LINGO2: variants seen among roughly 807,000 people sequenced by gnomAD.
LINGO2 encodes the protein leucine-rich repeat and immunoglobulin-like domain-containing nogo receptor-interacting protein 2.
Under a neutral mutation model 30.6 loss-of-function variants are expected in LINGO2, and 14 were observed. That is an observed-to-expected ratio of 0.46 (90% CI 0.30 to 0.72). The LOEUF (loss-of-function observed/expected upper bound fraction) is 0.72. Among genes scored for constraint, LINGO2 ranks in the 30% least tolerant of loss-of-function variants. The pLI is 0.07. For synonymous variants in LINGO2, 317 were observed against 288.5 expected (o/e 1.10, Z -1.00); for missense variants, 729 against 751.7 (o/e 0.97, Z 0.35).
At chr9:29,112,025 A>G in the LINGO2 span, among the ~76,000 whole-genome samples, 1 of 138,324 alleles carries the variant, frequency 7.2e-6, no homozygotes, top group Non-Finnish European at 1.6e-5. Context: ...TACATTGCAT[A>G]TGCATGTGTG....
the LINGO2 span, among the ~76,000 whole-genome samples, chr9:28,977,292 C>T: frequency 1.3e-5 from 2 of 152,092 alleles, no homozygotes; most frequent in Admixed American, 6.6e-5. Flanking sequence ...TTCTGTCCTG[C>T]ATAAGTTCCT....
chr9:28,763,670 A>G, the LINGO2 span, among the ~76,000 whole-genome samples: 26 of 151,798 alleles, frequency 1.7e-4, no homozygotes, highest in African/African-American at 6.0e-4. Flanking sequence ...CAAAAGAAAG[A>G]CAATGAAGAG....
At chr9:29,034,435 C>G in the LINGO2 span, among the ~76,000 whole-genome samples, 179 of 152,184 alleles carry the variant, frequency 1.2e-3, 1 homozygote, top group Non-Finnish European at 2.2e-3. Context: ...TGACCTTGGA[C>G]AAGTGGCCCA....
intron 4 of LINGO2, among the ~76,000 whole-genome samples, chr9:28,184,974 C>A (rs1341396581): frequency 2.0e-5 from 3 of 152,012 alleles, no homozygotes; most frequent in African/African-American, 7.2e-5. Context: ...AAAAAAAAAT[C>A]TTCTTCCAAA....
chr9:28,287,089 C>A (rs1162413217), intron 4 of LINGO2, among the ~76,000 whole-genome samples: 2 of 152,178 alleles, frequency 1.3e-5, no homozygotes, highest in Non-Finnish European at 2.9e-5. Context: ...AAGGCCCTGA[C>A]CTCAAGCACA....
the LINGO2 span, among the ~76,000 whole-genome samples, chr9:28,921,281 G>A: frequency 6.6e-6 from 1 of 152,104 alleles, no homozygotes; most frequent in Non-Finnish European, 1.5e-5. Context: ...ACCTGTAAAT[G>A]TAGGCTCTTC....
intron 1 of LINGO2, among the ~76,000 whole-genome samples, chr9:28,587,467 C>T (rs1391704209): frequency 6.6e-6 from 1 of 151,992 alleles, no homozygotes; most frequent in Non-Finnish European, 1.5e-5. Context: ...TTCCCTCTGT[C>T]TCTCAGCTCC....
chr9:28,508,242 G>A (rs759511032), intron 1 of LINGO2, among the ~76,000 whole-genome samples: 2 of 151,932 alleles, frequency 1.3e-5, no homozygotes, highest in Non-Finnish European at 2.9e-5. Context: ...ACATCTATTT[G>A]TATGCCAGAA....
At chr9:29,053,918 A>C in the LINGO2 span, among the ~76,000 whole-genome samples, 1 of 152,106 alleles carries the variant, frequency 6.6e-6, no homozygotes, top group South Asian at 2.1e-4. Context: ...TGTAAGTTAA[A>C]AGAGAAGAAA....
intron 1 of LINGO2, among the ~76,000 whole-genome samples, chr9:28,635,344 C>G (rs62548200): frequency 6.6e-6 from 1 of 152,034 alleles, no homozygotes; most frequent in East Asian, 1.9e-4. Context: ...TAAGAAGTTG[C>G]CCTGAAACAA....
chr9:28,215,505 T>C (rs1214398772), intron 4 of LINGO2, among the ~76,000 whole-genome samples: 2 of 151,882 alleles, frequency 1.3e-5, no homozygotes, highest in African/African-American at 2.4e-5. Context: ...AAAGCATTCA[T>C]TGTGGTGCTT....
the LINGO2 span, among the ~76,000 whole-genome samples, chr9:28,842,018 G>T: frequency 6.6e-6 from 1 of 151,778 alleles, no homozygotes; most frequent in Non-Finnish European, 1.5e-5. Context: ...TACTTCTCAT[G>T]ATATTCTAGG....
At chr9:28,315,523 C>G (rs889577810) in intron 3 of LINGO2, among the ~76,000 whole-genome samples, 1 of 152,070 alleles carries the variant, frequency 6.6e-6, no homozygotes, top group Non-Finnish European at 1.5e-5. Flanking sequence ...AGCATTCTAG[C>G]TGACCAGCTG....
At chr9:29,120,726 C>G in the LINGO2 span, among the ~76,000 whole-genome samples, 4 of 152,118 alleles carry the variant, frequency 2.6e-5, no homozygotes, top group African/African-American at 7.2e-5. Flanking sequence ...TGCAAAAGAG[C>G]TTGGCCATTA....
At chr9:28,315,661 G>A (rs1824817431) in intron 3 of LINGO2, among the ~76,000 whole-genome samples, 4 of 152,122 alleles carry the variant, frequency 2.6e-5, no homozygotes, top group Admixed American at 2.6e-4. Context: ...TGATTTACTA[G>A]TTTAGATCAT....
At chr9:28,527,940 A>G (rs1291951433) in intron 1 of LINGO2, among the ~76,000 whole-genome samples, 1 of 152,196 alleles carries the variant, frequency 6.6e-6, no homozygotes, top group East Asian at 1.9e-4. Flanking sequence ...GAGTTTAAGT[A>G]AAGGAATTCT....
chr9:27,952,478 T>C (rs979633329), intron 5 of LINGO2, among the ~76,000 whole-genome samples: 1 of 151,964 alleles, frequency 6.6e-6, no homozygotes, highest in Admixed American at 6.6e-5. Context: ...AAAACATATA[T>C]GAAAATAATC....
At chr9:28,753,955 G>T in the LINGO2 span, among the ~76,000 whole-genome samples, 1 of 151,488 alleles carries the variant, frequency 6.6e-6, no homozygotes, top group Non-Finnish European at 1.5e-5. Flanking sequence ...ACTTTTGCAT[G>T]AATTTTGATT....
At chr9:27,977,160 C>CTT (rs112371496) in intron 5 of LINGO2, among the ~76,000 whole-genome samples, 15 of 146,826 alleles carry the variant, frequency 1.0e-4, no homozygotes, top group African/African-American at 2.7e-4. Flanking sequence ...GCTTTACCTA[C>CTT]TTTTTTTTTT....
Sources: allele counts gnomAD v4.1 joint callset (sites outside exome capture counted in the v4.1 genomes callset), GRCh38; gene constraint gnomAD v4.1.1; transcripts MANE v1.5; gene names NCBI Gene and HGNC (gene_info 2026-07-23, HGNC 2026-07-21).